CLPTM1L: variants seen among roughly 807,000 people sequenced by gnomAD.
CLPTM1L encodes the protein lipid scramblase CLPTM1L.
A neutral mutation model predicts 70.9 loss-of-function variants in CLPTM1L; 38 were observed. The ratio of observed to expected loss-of-function variants is 0.54; its 90% CI spans 0.41 to 0.70. The LOEUF (loss-of-function observed/expected upper bound fraction) is 0.70. Ranked by LOEUF, CLPTM1L falls within the 30% of genes least tolerant of loss-of-function variation. CLPTM1L has a pLI of 0.00. For synonymous variants in CLPTM1L, 339 were observed against 299.9 expected (o/e 1.13, Z -1.35); for missense variants, 652 against 705.9 (o/e 0.92, Z 0.87).
chr5:1,332,925 G>A (rs1019457561), intron 7 of CLPTM1L, among the ~76,000 whole-genome samples: 1 of 152,000 alleles, frequency 6.6e-6, no homozygotes, highest in African/African-American at 2.4e-5. Context: ...CACCAGATGA[G>A]GATAAGGGGC....
Position 1,342,039 on chromosome 5 carries a change from T to TGTGTGCGCGCGCGCGC in CLPTM1L, c.264-180_264-179insGCGCGCGCGCGCACAC, listed in dbSNP as rs3222913. Among the ~76,000 whole-genome samples the TGTGTGCGCGCGCGCGC allele has an allele frequency of 2.0e-4, 30 of 149,088 alleles. No individual in the cohort carries two copies. Among genetic ancestry groups the TGTGTGCGCGCGCGCGC allele is most frequent in the African/African-American group, 7.3e-4 (29 of 39,784 alleles). ...GTGTGTGTGTGTGTGTGTGTGTGTGTGCACGCGCACGCGTGCGCGTCCTGA... is the reference window on the plus strand; with the variant it reads ...GTGTGTGTGTGTGTGTGTGTGTGTGTGTGTGCGCGCGCGCGCGCACGCGCACGCGTGCGCGTCCTGA... On this transcript the variant is annotated intron_variant, in intron 2 of 16. Coordinates refer to ENST00000320895, the MANE Select transcript of CLPTM1L (RefSeq NM_030782.5). This position sits in a 1 kb window ranked among gnomAD's most constrained non-coding sequence, Gnocchi z 4.3.
rs374144893 is a variant in CLPTM1L, at chr5:1,344,409, T to C, written c.205A>G (p.Asn69Asp). The change falls in exon 2 of 17, where the codon AAC becomes GAC. Residue 69 changes from asparagine to aspartate, a missense_variant. By Grantham distance (23) the Asn-to-Asp change is conservative (BLOSUM62 1). Transcript: ENST00000320895. Reference protein sequence around the residue: ...TTTRSHLGAENNIDLVLNVED... With the variant: ...TTTRSHLGAEDNIDLVLNVED... ...ACATTCAAGACCAGGTCGATGTTGT[T>C]CTCAGCACCCAGGTGGGACCTCGTC... The C allele has an allele frequency of 1.2e-6, 2 of 1,613,754 alleles. No homozygotes were observed. The highest frequency in any genetic ancestry group is 2.7e-5 in the African/African-American group (2 of 74,940).
chr5:1,340,879 C>T (rs142563013), intron 3 of CLPTM1L, among the ~76,000 whole-genome samples: 302 of 152,240 alleles, frequency 2.0e-3, no homozygotes, highest in African/African-American at 7.1e-3. Context: ...GATTCTCCTC[C>T]CTCAGCCTCC....
intron 9 of CLPTM1L, among the ~76,000 whole-genome samples, chr5:1,329,167 C>A (rs1277755904): frequency 2.6e-5 from 4 of 152,262 alleles, no homozygotes; most frequent in Non-Finnish European, 4.4e-5. Context: ...CATCGCCCCC[C>A]TCAAGGGTTT....
At chr5:1,333,152 C>T (rs796781330) in intron 7 of CLPTM1L, among the ~76,000 whole-genome samples, 14 of 46,836 alleles carry the variant, frequency 3.0e-4, no homozygotes, top group African/African-American at 1.4e-3. Flanking sequence ...GTATACACAC[C>T]GGATGAGGAT....
At position 1,323,839 on chromosome 5, in the gene CLPTM1L, G is replaced by A; in HGVS notation, c.1228C>T (p.Pro410Ser). The part of the protein sequence containing the change: ...AMKYLSYLLY[P>S]LCVGGAVYSL... The stretch of plus-strand genomic sequence containing the variant: ...TAGACAGCACCCCCGACACAGAGAG[G>A]GTACAGCAGGTATGACAAGTACTTC... Residue 410 changes from proline to serine, a missense_variant, in exon 12 of 17, where the codon CCT (proline) becomes TCT (serine). Coordinates refer to ENST00000320895, the MANE Select transcript of CLPTM1L (RefSeq NM_030782.5). 1.2e-6 allele frequency: 2 copies of A among 1,613,810 alleles called. No individual in the cohort carries two copies. Among genetic ancestry groups the A allele is most frequent in the Non-Finnish European group, 8.5e-7 (1 of 1,179,956 alleles).
intron 9 of CLPTM1L, among the ~76,000 whole-genome samples, chr5:1,327,775 GACATTCCACCCAGCTCCTCCTCTACAGAC>G (rs1752721285): frequency 2.3e-5 from 2 of 88,552 alleles, no homozygotes; most frequent in Non-Finnish European, 4.6e-5. Context: ...CCTCTACAGG[GACATTCCACCCAGCTCCTCCTCTACAGAC>G]ACATTCCATC....
intron 11 of CLPTM1L, 76 bp downstream of exon 11, chr5:1,324,687 A>G: frequency 1.3e-5 from 17 of 1,349,514 alleles, no homozygotes; most frequent in Non-Finnish European, 1.8e-5. Context: ...GCACTGAGCA[A>G]TGACAGTAAA....
chr5:1,344,252 C>T, intron 2 of CLPTM1L, 99 bp downstream of exon 2: 2 of 825,178 alleles, frequency 2.4e-6, no homozygotes, highest in Middle Eastern at 2.2e-4. Flanking sequence ...AAGACTAGTT[C>T]TCTAAAATAA....
At position 1,330,379 on chromosome 5, in the gene CLPTM1L, G is replaced by C. The variant is rs377287162; in HGVS notation, c.981C>G (p.Leu327=). Residue 327 remains leucine (L), a synonymous_variant, in exon 9 of 17, where the codon CTC becomes CTG. Transcript: ENST00000320895. ...TGACCACGGTGCTGAAGCAGCGCCA[G>C]AGCACTGGGGACAGGATGGTCGGGC... is the stretch of plus-strand genomic sequence containing the variant. ...SMIGMSTKAV[L]WRCFSTVVIF... is the part of the protein sequence containing the mutation. 1 of 1,612,486 alleles carries C rather than the reference G, an allele frequency of 6.2e-7. No homozygotes were observed. The highest frequency in any genetic ancestry group is 1.3e-5 in the African/African-American group (1 of 74,924).
At chr5:1,334,498 A>G (rs1212843973) in intron 6 of CLPTM1L, 115 bp from the exon 7 acceptor site, 1 of 678,556 alleles carries the variant, frequency 1.5e-6, no homozygotes, top group East Asian at 2.8e-5. Flanking sequence ...TCATGCCTGT[A>G]AACCCAGCAC....
At chr5:1,332,901 G>A (rs187718843) in intron 7 of CLPTM1L, among the ~76,000 whole-genome samples, 23 of 152,310 alleles carry the variant, frequency 1.5e-4, no homozygotes, top group Admixed American at 1.0e-3. Context: ...TGAGGATGAG[G>A]GACTACTGTA....
intron 9 of CLPTM1L, among the ~76,000 whole-genome samples, chr5:1,327,653 T>C (rs1752705419): frequency 6.7e-6 from 1 of 148,834 alleles, no homozygotes; most frequent in East Asian, 2.0e-4. Flanking sequence ...GCTCCTCCTC[T>C]ACAGACACAT....
At position 1,342,698 on chromosome 5, in the gene CLPTM1L, C is replaced by T. The variant is rs537215038; in HGVS notation, c.264-838G>A. Among the ~76,000 whole-genome samples, 29 of 152,370 alleles carry T rather than the reference C, an allele frequency of 1.9e-4. No individual in the cohort carries two copies. In the East Asian group the frequency reaches 2.7e-3, roughly 14 times the overall value. On this transcript the variant is annotated intron_variant, in intron 2 of 16. Coordinates refer to ENST00000320895, the MANE Select transcript of CLPTM1L (RefSeq NM_030782.5). The surrounding 1 kb of genome is among the most constrained non-coding windows in gnomAD (Gnocchi z 4.3). Reference sequence around the variant, plus strand: ...AACCTCCTGAGCTCAAGTGACCTCCCGCCTCAGTCTCCCGAGTAGCTGGGA... The same window carrying T: ...AACCTCCTGAGCTCAAGTGACCTCCTGCCTCAGTCTCCCGAGTAGCTGGGA...
rs931777449 is a variant in CLPTM1L at position 1,342,584 on chromosome 5, T to C, written c.264-724A>G. On this transcript the variant is annotated intron_variant, in intron 2 of 16. Coordinates refer to ENST00000320895, the MANE Select transcript of CLPTM1L (RefSeq NM_030782.5). This position sits in a 1 kb window ranked among gnomAD's most constrained non-coding sequence, Gnocchi z 4.3. ...CTGTTTACGGTTACATGAGTTCTTCTTCCTCTTTAAAAGTCTCTTTTTTGA... is the reference window on the plus strand; with the variant it reads ...CTGTTTACGGTTACATGAGTTCTTCCTCCTCTTTAAAAGTCTCTTTTTTGA... 1.3e-5 allele frequency among the ~76,000 whole-genome samples: 2 copies of C among 152,214 alleles called. No individual in the cohort carries two copies. Among genetic ancestry groups the C allele is most frequent in the South Asian group, 2.1e-4 (1 of 4,836 alleles).
intron 7 of CLPTM1L, among the ~76,000 whole-genome samples, chr5:1,333,617 T>C (rs1753315524): frequency 1.5e-5 from 2 of 133,564 alleles, no homozygotes; most frequent in African/African-American, 3.0e-5. Context: ...GGGACTATTG[T>C]ATACACACCA....
chr5:1,334,842 A>G (rs182938414), intron 6 of CLPTM1L, among the ~76,000 whole-genome samples: 27 of 152,374 alleles, frequency 1.8e-4, no homozygotes, highest in African/African-American at 6.5e-4. Context: ...GGCATTTCAC[A>G]TATTATGTTC....
chr5:1,343,828 T>C (rs1435032034), intron 2 of CLPTM1L, among the ~76,000 whole-genome samples: 1 of 152,226 alleles, frequency 6.6e-6, no homozygotes, highest in Non-Finnish European at 1.5e-5. Context: ...AAAAGTATAC[T>C]TATTCAATTA....
intron 9 of CLPTM1L, among the ~76,000 whole-genome samples, chr5:1,327,304 C>G (rs1185573799): frequency 1.3e-5 from 2 of 150,336 alleles, no homozygotes; most frequent in Non-Finnish European, 3.0e-5. Flanking sequence ...AGCTCCTCCT[C>G]TACAGACACA....
Sources: allele counts gnomAD v4.1 joint callset (sites outside exome capture counted in the v4.1 genomes callset), GRCh38; gene constraint gnomAD v4.1.1; non-coding constraint Gnocchi (gnomAD v3.1); transcripts MANE v1.5; gene names NCBI Gene and HGNC (gene_info 2026-07-23, HGNC 2026-07-21).